DOCK3: variants seen among roughly 807,000 people sequenced by gnomAD.
The protein encoded by DOCK3 is dedicator of cytokinesis protein 3.
In DOCK3, 60 loss-of-function variants were observed where a neutral mutation model predicts 265.6. The observed-to-expected ratio is 0.23, with a 90% CI of 0.18 to 0.28. The LOEUF is 0.28. Ranked by LOEUF, DOCK3 falls within the 10% of genes least tolerant of loss-of-function variation. The pLI is 1.00. For missense variants in DOCK3, 1,981 were observed against 2,594.3 expected (o/e 0.76, Z 5.14); for synonymous variants, 881 against 938.0 (o/e 0.94, Z 1.11).
chr3:51,093,158 G>A (rs990301991), intron 9 of DOCK3, among the ~76,000 whole-genome samples: 1 of 152,114 alleles, frequency 6.6e-6, no homozygotes, highest in Non-Finnish European at 1.5e-5. Context: ...TCTTGGCTAT[G>A]CAGGCTCTTT....
chr3:51,190,464 G>A (rs1275442184), intron 12 of DOCK3, among the ~76,000 whole-genome samples: 2 of 152,164 alleles, frequency 1.3e-5, no homozygotes, highest in Non-Finnish European at 2.9e-5. Flanking sequence ...AGTTATAGTA[G>A]TAATGAACTG....
chr3:51,103,793 G>A (rs2083172397), intron 9 of DOCK3, among the ~76,000 whole-genome samples: 1 of 152,108 alleles, frequency 6.6e-6, no homozygotes, highest in Non-Finnish European at 1.5e-5. Flanking sequence ...AGCTATGTTT[G>A]TGCTCAAGGA....
intron 1 of DOCK3, among the ~76,000 whole-genome samples, chr3:50,716,499 G>A (rs2037121310): frequency 6.6e-6 from 1 of 151,860 alleles, no homozygotes. Context: ...CTGCACTCCA[G>A]CCTGGGCGAC....
intron 1 of DOCK3, among the ~76,000 whole-genome samples, chr3:50,729,685 A>C (rs1423558117): frequency 6.6e-6 from 1 of 151,622 alleles, no homozygotes; most frequent in Non-Finnish European, 1.5e-5. Context: ...ACCATACCAG[A>C]CTAATTAATT....
intron 1 of DOCK3, among the ~76,000 whole-genome samples, chr3:50,698,384 A>T (rs1424026360): frequency 2.6e-5 from 4 of 151,966 alleles, no homozygotes; most frequent in African/African-American, 9.7e-5. Flanking sequence ...ATATTCTATT[A>T]TATGGATATA....
chr3:51,324,899 C>T (rs957723876), intron 32 of DOCK3, among the ~76,000 whole-genome samples: 1 of 152,162 alleles, frequency 6.6e-6, no homozygotes, highest in Admixed American at 6.5e-5. Context: ...TTCCTTACAC[C>T]TTATACAGAT....
chr3:51,277,629 G>A lies in DOCK3; in HGVS notation c.2698G>A (p.Val900Ile), dbSNP rs1372546121. The A allele has an allele frequency of 4.5e-6, 7 of 1,566,296 alleles. No homozygotes were observed. Among genetic ancestry groups the A allele is most frequent in the African/African-American group, 2.7e-5 (2 of 73,114 alleles). The change falls in exon 26 of 53, where the codon GTA becomes ATA. Residue 900 changes from valine (V) to isoleucine (I), a missense_variant. Coordinates refer to ENST00000266037, the MANE Select transcript of DOCK3 (RefSeq NM_004947.5). ...SSLEADVMEEVEMMVESLLDV... is the reference protein window; with the variant it reads ...SSLEADVMEEIEMMVESLLDV... ...CCAGGAGGCAGATGTCATGGAGGAA[G>A]TAGAGATGATGGTGGAGAGCCTCCT...
chr3:50,850,460 C>T (rs2107374058), intron 3 of DOCK3, among the ~76,000 whole-genome samples: 3 of 151,702 alleles, frequency 2.0e-5, no homozygotes, highest in Middle Eastern at 6.9e-3. Context: ...TCTGTCATTT[C>T]TGAGGAATTC....
intron 3 of DOCK3, among the ~76,000 whole-genome samples, chr3:50,884,164 C>T (rs1422071362): frequency 6.6e-6 from 1 of 151,668 alleles, no homozygotes; most frequent in Admixed American, 6.6e-5. Flanking sequence ...CATCTCGCCT[C>T]ACTGCAAACT....
At chr3:50,739,232 A>G (rs1323970134) in intron 1 of DOCK3, among the ~76,000 whole-genome samples, 1 of 152,194 alleles carries the variant, frequency 6.6e-6, no homozygotes, top group Non-Finnish European at 1.5e-5. Flanking sequence ...TATACCACAG[A>G]TACATACCCA....
chr3:50,955,815 G>A (rs762005157), intron 5 of DOCK3, among the ~76,000 whole-genome samples: 7 of 152,076 alleles, frequency 4.6e-5, no homozygotes, highest in African/African-American at 7.2e-5. Context: ...AAACCTGCAC[G>A]TGTACCCCTG....
chr3:50,882,720 G>T (rs1245422639), intron 3 of DOCK3, among the ~76,000 whole-genome samples: 1 of 152,152 alleles, frequency 6.6e-6, no homozygotes, highest in Admixed American at 6.5e-5. Context: ...GATTCCTCAG[G>T]GGTCTAGAAC....
intron 12 of DOCK3, among the ~76,000 whole-genome samples, chr3:51,185,541 C>T (rs2087547238): frequency 6.6e-6 from 1 of 152,162 alleles, no homozygotes. Context: ...GCTTTGCTTT[C>T]TTGTTCTAAG....
chr3:51,048,265 A>C (rs536944995), intron 5 of DOCK3, among the ~76,000 whole-genome samples: 13 of 152,198 alleles, frequency 8.5e-5, no homozygotes, highest in Non-Finnish European at 1.9e-4. Flanking sequence ...TGACAGCCTC[A>C]CAGCTTATAT....
chr3:50,878,690 T>G (rs1039725539), intron 3 of DOCK3, among the ~76,000 whole-genome samples: 1 of 152,044 alleles, frequency 6.6e-6, no homozygotes, highest in Admixed American at 6.5e-5. Flanking sequence ...TGAAACCAAG[T>G]TGGAAAACAC....
chr3:51,192,542 A>G (rs1423991319), intron 12 of DOCK3, among the ~76,000 whole-genome samples: 2 of 152,006 alleles, frequency 1.3e-5, no homozygotes, highest in African/African-American at 2.4e-5. Context: ...AGCAGCAGAG[A>G]AAGAACTTTG....
chr3:50,989,747 C>T (rs12491206), intron 5 of DOCK3, among the ~76,000 whole-genome samples: 10,915 of 152,268 alleles, frequency 0.072, 979 homozygotes, highest in East Asian at 0.33. Context: ...GCCAAAGTGT[C>T]ATATGTCTTC....
intron 1 of DOCK3, among the ~76,000 whole-genome samples, chr3:50,691,915 G>GTTT (rs568668591): frequency 9.6e-5 from 13 of 135,262 alleles, no homozygotes; most frequent in East Asian, 2.1e-4. Flanking sequence ...AATCTAAAAA[G>GTTT]TTTTTTTTTT....
chr3:51,207,954 CTG>C (rs2089306721), intron 12 of DOCK3, among the ~76,000 whole-genome samples: 1 of 152,192 alleles, frequency 6.6e-6, no homozygotes, highest in African/African-American at 2.4e-5. Context: ...ATCAAGGTGT[CTG>C]TACTAGGATA....
Sources: allele counts gnomAD v4.1 joint callset (sites outside exome capture counted in the v4.1 genomes callset), GRCh38; gene constraint gnomAD v4.1.1; transcripts MANE v1.5; gene names NCBI Gene and HGNC (gene_info 2026-07-23, HGNC 2026-07-21).